PEX11B: variants seen among roughly 807,000 people sequenced by gnomAD.
PEX11B encodes peroxisomal biogenesis factor 11 beta, also known as peroxisomal membrane protein 11B.
Under a neutral mutation model 28.2 loss-of-function variants are expected in PEX11B, and 18 were observed. The ratio of observed to expected loss-of-function variants is 0.64; its 90% CI spans 0.44 to 0.95. The LOEUF (loss-of-function observed/expected upper bound fraction) is 0.95. Ranked by LOEUF, PEX11B falls within the 40% of genes least tolerant of loss-of-function variation. The pLI is 0.00. For synonymous variants in PEX11B, 128 were observed against 128.7 expected, an observed-to-expected ratio of 0.99 and a Z score of 0.04; for missense variants, 305 against 319.8, an observed-to-expected ratio of 0.95 and a Z score of 0.35.
intron 2 of PEX11B, among the ~76,000 whole-genome samples, chr1:145,917,342 A>T (rs1489804440): frequency 6.6e-6 from 1 of 152,038 alleles, no homozygotes; most frequent in Non-Finnish European, 1.5e-5. Context: ...GAGACAGGAG[A>T]ATTGCTTGAA....
Position 145,918,293 on chromosome 1 carries a change from T to G in PEX11B, c.56+340A>C, listed in dbSNP as rs1226897193. On this transcript the variant is annotated intron_variant, in intron 1 of 3. Coordinates refer to ENST00000369306, the MANE Select transcript of PEX11B (RefSeq NM_003846.3). Reference sequence around the variant, plus strand: ...TGGGGACACGGAAACTGGGAGTGCCTCCTCAGCTCTGGGGGCAGAGTCTGG... The same window carrying G: ...TGGGGACACGGAAACTGGGAGTGCCGCCTCAGCTCTGGGGGCAGAGTCTGG... 1.3e-5 allele frequency: 19 copies of G among 1,465,162 alleles called. No homozygotes were observed. In the African/African-American group the frequency reaches 2.2e-4, roughly 17 times the overall value. 90.8% of individuals were successfully genotyped at this position (1,465,162 alleles called of 1,614,324 possible).
At position 145,917,785 on chromosome 1, in the gene PEX11B, G is replaced by A. The variant is rs1647487858; in HGVS notation, c.88C>T (p.His30Tyr). The A allele has an allele frequency of 2.5e-6, 4 of 1,613,680 alleles. No individual in the cohort carries two copies. Among genetic ancestry groups the A allele is most frequent in the Non-Finnish European group, 2.5e-6 (3 of 1,179,548 alleles). Residue 30 changes from histidine (H) to tyrosine (Y), a missense_variant, in exon 2 of 4, where the codon CAT becomes TAT. Coordinates refer to ENST00000369306, the MANE Select transcript of PEX11B (RefSeq NM_003846.3). ...AAQYACSLLG[H>Y]ALQRHGASPE... is the part of the protein sequence containing the mutation. The stretch of plus-strand genomic sequence containing the variant: ...CTGGCTCCATGCCTCTGCAGCGCAT[G>A]GCCAAGAAGAGAGCAAGCATACTGG...
At chr1:145,918,565 TCG>T in intron 1 of PEX11B, 66 bp downstream of exon 1, 1 of 1,556,614 alleles carries the variant, frequency 6.4e-7, no homozygotes, top group Non-Finnish European at 8.7e-7. Context: ...TAAACTGACT[TCG>T]CCTCACTAGA....
At position 145,917,845 on chromosome 1, in the gene PEX11B, G is replaced by A. The variant is rs1553754200; in HGVS notation, c.57-29C>T. 3.9e-6 allele frequency: 6 copies of A among 1,523,652 alleles called. No individual in the cohort carries two copies. The South Asian group carries it at 6.7e-5, about 17-fold the overall frequency. 94.4% of individuals were successfully genotyped at this position (1,523,652 alleles called of 1,614,324 possible). The stretch of plus-strand genomic sequence containing the variant: ...GAGGAGAGGGCAGGCAAGGTAAGGT[G>A]GAGACCTCCCTAACCTTCCGCTCAA... On this transcript the variant is annotated intron_variant, in intron 1 of 3. Transcript: ENST00000369306.
intron 3 of PEX11B, among the ~76,000 whole-genome samples, 169 bp from the exon 4 acceptor site, chr1:145,912,735 C>T (rs1657864605): frequency 6.6e-6 from 1 of 152,154 alleles, no homozygotes; most frequent in African/African-American, 2.4e-5. Flanking sequence ...GGACACTATG[C>T]TAAGCAAAAT....
At chr1:145,916,787 A>G (rs782256595) in intron 3 of PEX11B, 30 bp downstream of exon 3, 226 of 1,551,588 alleles carry the variant, frequency 1.5e-4, no homozygotes, top group Non-Finnish European at 2.0e-4. Flanking sequence ...GCTACAAAAA[A>G]AAATCTTAAA....
chr1:145,912,820 G>A (rs1657868947), intron 3 of PEX11B, among the ~76,000 whole-genome samples: 1 of 152,176 alleles, frequency 6.6e-6, no homozygotes, highest in Admixed American at 6.5e-5. Context: ...GGGCGTGGTG[G>A]CTCATGCCTG....
At chr1:145,917,387 C>T (rs1647447418) in intron 2 of PEX11B, among the ~76,000 whole-genome samples, 2 of 152,010 alleles carry the variant, frequency 1.3e-5, no homozygotes, top group Admixed American at 6.6e-5. Context: ...GCCAAGATTG[C>T]GCCACTGCAC....
chr1:145,912,077 A>C lies in PEX11B; in HGVS notation c.*84T>G. On this transcript the variant is annotated 3_prime_UTR_variant, in exon 4 of 4. Coordinates refer to ENST00000369306, the MANE Select transcript of PEX11B (RefSeq NM_003846.3). ...ATTTCTAACTTTAACCAAAGAGTAG[A>C]ATTCGAATGAGGCTGGCACATGGGG... is the stretch of plus-strand genomic sequence containing the variant. 1.8e-6 allele frequency: 2 copies of C among 1,090,480 alleles called. No individual in the cohort carries two copies. The highest frequency in any genetic ancestry group is 2.5e-6 in the Non-Finnish European group (2 of 791,226). The allele number at this position is 1,090,480 out of a possible 1,614,324, so 67.6% of individuals were successfully genotyped here.
chr1:145,918,560 T>TA, intron 1 of PEX11B, 73 bp downstream of exon 1: 1 of 1,554,198 alleles, frequency 6.4e-7, no homozygotes, highest in Non-Finnish European at 8.7e-7. Flanking sequence ...TAGCCTAAAC[T>TA]GACTTCGCCT....
At position 145,912,410 on chromosome 1, in the gene PEX11B, C is replaced by T. The variant is rs1553753275; in HGVS notation, c.531G>A (p.Gly177=). 6.3e-7 allele frequency: 1 copy of T among 1,593,936 alleles called. No individual in the cohort carries two copies. Among genetic ancestry groups the T allele is most frequent in the South Asian group, 1.1e-5 (1 of 88,156 alleles). ...GTTGGGGCAGACCTCCTCCTGGAGT[C>T]CCTGGTCCCCCAAGTCCCCCAGTTT... ...GSETGGLGGP[G]TPGGGLPQLA... Residue 177 remains glycine, a synonymous_variant, in exon 4 of 4, where the codon GGG becomes GGA. Transcript: ENST00000369306.
chr1:145,918,437 T>C (rs1389059135), intron 1 of PEX11B, 196 bp downstream of exon 1: 2 of 1,536,178 alleles, frequency 1.3e-6, no homozygotes, highest in Non-Finnish European at 1.7e-6. Flanking sequence ...CATGCCTCAG[T>C]TTCCCCATCT....
At chr1:145,917,158 T>C (rs1408530487) in intron 2 of PEX11B, 140 bp from the exon 3 acceptor site, 5 of 637,394 alleles carry the variant, frequency 7.8e-6, no homozygotes, top group African/African-American at 1.8e-5. Flanking sequence ...AGGCTGGGCA[T>C]GGTGGCTCAA....
chr1:145,915,207 C>A (rs1217007689), intron 3 of PEX11B, among the ~76,000 whole-genome samples: 1 of 152,170 alleles, frequency 6.6e-6, no homozygotes, highest in East Asian at 1.9e-4. Context: ...CCTGGCCGGC[C>A]TTGTTTATCT....
intron 1 of PEX11B, chr1:145,918,045 G>A (rs1225173109): frequency 1.0e-6 from 1 of 984,886 alleles, no homozygotes; most frequent in African/African-American, 1.7e-5. Context: ...GAGCAAATTA[G>A]AGATTTGACA....
intron 1 of PEX11B, chr1:145,918,380 T>C (rs1445945289): frequency 3.9e-6 from 6 of 1,535,280 alleles, no homozygotes; most frequent in East Asian, 2.4e-5. Flanking sequence ...ACACTGTCGG[T>C]CTTATGTGGA....
chr1:145,917,160 G>T, intron 2 of PEX11B, 142 bp from the exon 3 acceptor site: 1 of 633,280 alleles, frequency 1.6e-6, no homozygotes. Context: ...GCTGGGCATG[G>T]TGGCTCAAGC....
intron 1 of PEX11B, 176 bp from the exon 2 acceptor site, chr1:145,917,992 G>GA (rs1193104804): frequency 2.3e-5 from 23 of 982,938 alleles, no homozygotes; most frequent in African/African-American, 3.5e-5. Flanking sequence ...GGCATAAGGA[G>GA]AAAAAAGAGT....
At chr1:145,918,303 TG>T in intron 1 of PEX11B, 1 of 1,480,326 alleles carries the variant, frequency 6.8e-7, no homozygotes, top group Non-Finnish European at 9.0e-7. Flanking sequence ...TCCTCAGCTC[TG>T]GGGGCAGAGT....
Sources: allele counts gnomAD v4.1 joint callset (sites outside exome capture counted in the v4.1 genomes callset), GRCh38; gene constraint gnomAD v4.1.1; transcripts MANE v1.5; gene names NCBI Gene and HGNC (gene_info 2026-07-23, HGNC 2026-07-21).